The following ABHD2 variants were observed in gnomAD, a reference collection of about 807,000 sequenced individuals.
ABHD2 encodes the protein monoacylglycerol lipase ABHD2.
In ABHD2, 20 loss-of-function variants were observed where a neutral mutation model predicts 48.1. The observed-to-expected ratio is 0.42, with a 90% CI of 0.29 to 0.60. The LOEUF (loss-of-function observed/expected upper bound fraction) is 0.60, where lower values mean the gene tolerates loss of function less well. Ranked by LOEUF, ABHD2 falls within the 20% of genes least tolerant of loss-of-function variation. ABHD2 has a pLI of 0.24. For synonymous variants in ABHD2, 209 were observed against 214.2 expected (o/e 0.98, Z 0.21); for missense variants, 405 against 550.9 (o/e 0.74, Z 2.65).
rs187153819 is a variant in ABHD2, at chr15:89,158,680, T to A, written c.538+3146T>A. ...GGCAGTTGATTACATATAGTAAACA[T>A]TTATTGTATGTTAGGTTCATTCTTT... On this transcript the variant is annotated intron_variant, in intron 5 of 10. Transcript: ENST00000352732. 5.2e-4 allele frequency among the ~76,000 whole-genome samples: 79 copies of A among 152,274 alleles called. 2 individuals are homozygous for A. The highest frequency in any genetic ancestry group is 4.6e-3 in the Admixed American group (71 of 15,292).
chr15:89,149,791 T>C (rs1266486902), intron 3 of ABHD2, among the ~76,000 whole-genome samples: 1 of 152,232 alleles, frequency 6.6e-6, no homozygotes, highest in Non-Finnish European at 1.5e-5. Context: ...TATTTGAGCT[T>C]AGGCAAGAAG....
At chr15:89,096,442 G>A (rs2049614227) in intron 1 of ABHD2, among the ~76,000 whole-genome samples, 1 of 152,224 alleles carries the variant, frequency 6.6e-6, no homozygotes, top group Admixed American at 6.5e-5. Flanking sequence ...ACAAAGTAAT[G>A]TAACCAGGGG....
At chr15:89,158,205 G>A (rs933973622) in intron 5 of ABHD2, among the ~76,000 whole-genome samples, 2 of 152,164 alleles carry the variant, frequency 1.3e-5, no homozygotes, top group African/African-American at 2.4e-5. Context: ...CAACCCATGG[G>A]ACCGTAAAAT....
chr15:89,172,024 C>CTTT (rs750948742), intron 5 of ABHD2, among the ~76,000 whole-genome samples: 27 of 121,528 alleles, frequency 2.2e-4, no homozygotes, highest in African/African-American at 9.0e-4. Context: ...ATTTTTCCTG[C>CTTT]TTTTTTTTTA....
chr15:89,201,746 C>T lies in ABHD2; in HGVS notation c.*6323C>T, dbSNP rs527289726. The T allele has an allele frequency of 2.3e-5, 36 of 1,566,946 alleles. 1 individual carries two copies. The highest frequency in any genetic ancestry group is 1.4e-5 in the African/African-American group (1 of 73,948). ...GGCCTTTGAATTTGAGGTCTATGGGCGGGTCGAGGACCAGGATCTGCTCGT... is the reference window on the plus strand; with the variant it reads ...GGCCTTTGAATTTGAGGTCTATGGGTGGGTCGAGGACCAGGATCTGCTCGT... On this transcript the variant is annotated 3_prime_UTR_variant, in exon 11 of 11. Coordinates refer to ENST00000352732, the MANE Select transcript of ABHD2 (RefSeq NM_152924.5).
intron 1 of ABHD2, among the ~76,000 whole-genome samples, chr15:89,099,153 C>T (rs1414163245): frequency 6.6e-6 from 1 of 152,214 alleles, no homozygotes; most frequent in African/African-American, 2.4e-5. Flanking sequence ...GTAAGTTAGG[C>T]ATTCAGTCTT....
rs1250822974 is a variant in ABHD2, at chr15:89,195,729, T to G, written c.*306T>G. ...AAGCCAAGTACATCTAGTTTCCCTATTAAAAATGTGTCTGAATAGCGATTT... is the reference window on the plus strand; with the variant it reads ...AAGCCAAGTACATCTAGTTTCCCTAGTAAAAATGTGTCTGAATAGCGATTT... On this transcript the variant is annotated 3_prime_UTR_variant, in exon 11 of 11. Transcript: ENST00000352732. This position sits in a 1 kb window ranked among gnomAD's most constrained non-coding sequence, Gnocchi z 5.1. The G allele has an allele frequency of 3.2e-6, 1 of 309,246 alleles. No individual in the cohort carries two copies. The highest frequency in any genetic ancestry group is 6.0e-6 in the Non-Finnish European group (1 of 166,170). 19.2% of individuals were successfully genotyped at this position (309,246 alleles called of 1,614,324 possible).
At chr15:89,149,418 T>C (rs1456900201) in intron 3 of ABHD2, among the ~76,000 whole-genome samples, 2 of 152,248 alleles carry the variant, frequency 1.3e-5, no homozygotes, top group African/African-American at 4.8e-5. Context: ...TTAGATTTAC[T>C]AAGTGTCTCT....
At chr15:89,115,388 GTGTGTGTGT>G (rs2049941236) in intron 2 of ABHD2, among the ~76,000 whole-genome samples, 1 of 47,308 alleles carries the variant, frequency 2.1e-5, no homozygotes, top group Non-Finnish European at 5.4e-5. Flanking sequence ...GTGTGTGTGT[GTGTGTGTGT>G]GTGTGTGTGT....
At chr15:89,044,136 G>A in the ABHD2 span, among the ~76,000 whole-genome samples, 2 of 152,046 alleles carry the variant, frequency 1.3e-5, no homozygotes, top group African/African-American at 4.8e-5. Context: ...TCCCACCTAT[G>A]AGTGAGAATA....
Position 89,166,394 on chromosome 15 carries a change from CTG to C in ABHD2, c.539-9415_539-9414del, listed in dbSNP as rs2050838717. ...TGACTCTCGGGCATTAGACATCAAG[CTG>C]TGAGGAAGTACGTGAAATCACAGCA... On this transcript the variant is annotated intron_variant, in intron 5 of 10. Transcript: ENST00000352732. This position sits in a 1 kb window ranked among gnomAD's most constrained non-coding sequence, Gnocchi z 4.6. Among the ~76,000 whole-genome samples, 1 of 152,184 alleles carries C rather than the reference CTG, an allele frequency of 6.6e-6. No homozygotes were observed. The highest frequency in any genetic ancestry group is 2.4e-5 in the African/African-American group (1 of 41,438).
At chr15:89,192,665 A>G (rs890426484) in intron 9 of ABHD2, among the ~76,000 whole-genome samples, 3 of 152,080 alleles carry the variant, frequency 2.0e-5, no homozygotes, top group Non-Finnish European at 4.4e-5. Flanking sequence ...ATAAGCCATA[A>G]GCCTGACCTA....
chr15:89,077,240 A>G, the ABHD2 span, among the ~76,000 whole-genome samples: 1 of 152,338 alleles, frequency 6.6e-6, no homozygotes, highest in African/African-American at 2.4e-5. Flanking sequence ...TATAAATAAA[A>G]TCATAGCATA....
At chr15:89,181,228 C>CGAAA (rs2051106645) in intron 6 of ABHD2, among the ~76,000 whole-genome samples, 1 of 69,176 alleles carries the variant, frequency 1.4e-5, no homozygotes, top group Non-Finnish European at 2.5e-5. Flanking sequence ...GACTCTGTCT[C>CGAAA]AAAAAAAAAA....
chr15:89,170,402 C>G (rs1005255215), intron 5 of ABHD2, among the ~76,000 whole-genome samples: 2 of 151,984 alleles, frequency 1.3e-5, no homozygotes, highest in African/African-American at 2.4e-5. Flanking sequence ...CGGCCAGATT[C>G]ATCCTTTTTC....
chr15:89,056,239 G>A, the ABHD2 span, among the ~76,000 whole-genome samples: 791 of 152,180 alleles, frequency 5.2e-3, 5 homozygotes, highest in African/African-American at 0.018. Context: ...TATCTTCCTA[G>A]GGAAAATAAT....
In ABHD2 at chr15:89,185,265, TGAGCTCTGCACATTA is replaced by T; in HGVS notation, c.723-154_723-140del. 1.2e-5 allele frequency: 7 copies of T among 601,352 alleles called. No individual in the cohort carries two copies. The highest frequency in any genetic ancestry group is 2.1e-5 in the Non-Finnish European group (7 of 340,662). 37.3% of individuals were successfully genotyped at this position (601,352 alleles called of 1,614,324 possible). On this transcript the variant is annotated intron_variant, in intron 6 of 10. Coordinates refer to ENST00000352732, the MANE Select transcript of ABHD2 (RefSeq NM_152924.5). This position sits in a 1 kb window ranked among gnomAD's most constrained non-coding sequence, Gnocchi z 5.9. The stretch of plus-strand genomic sequence containing the variant: ...CTCCATAGATTTCTCCACAGGTGTT[TGAGCTCTGCACATTA>T]GAGCCTCTGTTTTAATGCAGAGGCC...
chr15:89,075,854 C>T, the ABHD2 span, among the ~76,000 whole-genome samples: 10 of 152,306 alleles, frequency 6.6e-5, no homozygotes, highest in South Asian at 4.1e-4. This position sits in a 1 kb window ranked among gnomAD's most constrained non-coding sequence, Gnocchi z 4.1. Flanking sequence ...CAAAGGAAAA[C>T]CAGAGGTGCT....
chr15:89,201,902 T>G lies in ABHD2; in HGVS notation c.*6479T>G. ...GAGTTCGCATCTCTCCTTTTCCTGG[T>G]TAGACTCTGTTCAACCACATTCTTA... is the stretch of plus-strand genomic sequence containing the variant. On this transcript the variant is annotated 3_prime_UTR_variant, in exon 11 of 11. Transcript: ENST00000352732. The G allele has an allele frequency of 1.6e-6, 1 of 622,382 alleles. No individual in the cohort carries two copies. The highest frequency in any genetic ancestry group is 1.9e-5 in the South Asian group (1 of 51,958). The allele number at this position is 622,382 out of a possible 1,614,324, so 38.6% of individuals were successfully genotyped here.
Sources: gnomAD v4.1 joint callset for allele counts (sites outside exome capture counted in the v4.1 genomes callset) on GRCh38, gnomAD v4.1.1 for gene constraint, Gnocchi (gnomAD v3.1) non-coding constraint, MANE v1.5 for transcripts, NCBI Gene and HGNC (gene_info 2026-07-23, HGNC 2026-07-21) for gene names.